The following RUNDC3B variants were observed in gnomAD, a reference collection of about 807,000 sequenced individuals.
The protein encoded by RUNDC3B is RUN domain containing 3B, also known as RUN domain-containing protein 3B.
A neutral mutation model predicts 58.4 loss-of-function variants in RUNDC3B; 33 were observed. The observed-to-expected ratio is 0.56, with a 90% CI of 0.43 to 0.75. The LOEUF (loss-of-function observed/expected upper bound fraction) is 0.75, where lower values mean the gene tolerates loss of function less well. Ranked by LOEUF, RUNDC3B falls within the 30% of genes least tolerant of loss-of-function variation. RUNDC3B has a pLI of 0.00. For synonymous variants in RUNDC3B, 193 were observed against 195.2 expected (o/e 0.99, Z 0.10); for missense variants, 501 against 535.7 (o/e 0.94, Z 0.64).
In RUNDC3B at chr7:87,816,152, A is replaced by C; in HGVS notation, c.1115A>C (p.Gln372Pro). 1.9e-6 allele frequency: 3 copies of C among 1,603,692 alleles called. No individual in the cohort carries two copies. Among genetic ancestry groups the C allele is most frequent in the Non-Finnish European group, 2.6e-6 (3 of 1,173,252 alleles). Residue 372 changes from glutamine (Q) to proline (P), a missense_variant, in exon 10 of 11, where the codon CAA (glutamine) becomes CCA (proline). Physicochemically the swap from Gln to Pro is moderately conservative, Grantham distance 76. Transcript: ENST00000394654. ...TCCTTGCTTTACAGGAAAAGTTATC[A>C]AAGTCTTGACCAGTTATCAGCAGAA... ...HNKQWYEKSY[Q>P]SLDQLSAEVS...
At chr7:87,783,098 G>A (rs1231775339) in intron 8 of RUNDC3B, among the ~76,000 whole-genome samples, 3 of 151,856 alleles carry the variant, frequency 2.0e-5, no homozygotes, top group Non-Finnish European at 4.4e-5. Context: ...TCTTTTGTAG[G>A]TCTAGAAGTA....
intron 8 of RUNDC3B, among the ~76,000 whole-genome samples, chr7:87,781,340 C>A (rs1292848968): frequency 1.4e-5 from 2 of 145,388 alleles, no homozygotes; most frequent in African/African-American, 5.0e-5. Flanking sequence ...TGATTTTATA[C>A]CCTGAAACTT....
At chr7:87,719,380 G>A (rs543374906) in intron 4 of RUNDC3B, among the ~76,000 whole-genome samples, 7 of 151,708 alleles carry the variant, frequency 4.6e-5, no homozygotes, top group African/African-American at 1.7e-4. Flanking sequence ...AATTAGACAA[G>A]TTGATACTGA....
At position 87,820,903 on chromosome 7, in the gene RUNDC3B, G is replaced by A. The variant is rs796580311; in HGVS notation, c.1225+4641G>A. ...GGGACATATCTCAAAATAATAAAGA[G>A]CTATCTATGACAAACCCACAGCCAA... On this transcript the variant is annotated intron_variant, in intron 10 of 10. Coordinates refer to ENST00000394654, the MANE Select transcript of RUNDC3B (RefSeq NM_001134405.2). Among the ~76,000 whole-genome samples the A allele has an allele frequency of 3.3e-5, 5 of 151,946 alleles. No homozygotes were observed. The South Asian group carries it at 8.3e-4, about 25-fold the overall frequency.
chr7:87,808,114 G>C (rs1308902929), intron 9 of RUNDC3B, among the ~76,000 whole-genome samples: 1 of 151,668 alleles, frequency 6.6e-6, no homozygotes, highest in Non-Finnish European at 1.5e-5. Flanking sequence ...ATCCTCTTTT[G>C]GCTTTTAGCC....
At chr7:87,639,241 G>T (rs933934252) in intron 1 of RUNDC3B, among the ~76,000 whole-genome samples, 3 of 151,182 alleles carry the variant, frequency 2.0e-5, no homozygotes, top group Non-Finnish European at 4.4e-5. Context: ...GATTTCGAAT[G>T]AATTCTGTTG....
intron 4 of RUNDC3B, among the ~76,000 whole-genome samples, chr7:87,729,649 CAA>C (rs1831462570): frequency 6.6e-6 from 1 of 152,074 alleles, no homozygotes; most frequent in African/African-American, 2.4e-5. Flanking sequence ...CAGTCTAGGC[CAA>C]AGAGACTTCA....
At chr7:87,741,411 C>A (rs915723112) in intron 5 of RUNDC3B, 88 bp from the exon 6 acceptor site, 2 of 735,866 alleles carry the variant, frequency 2.7e-6, no homozygotes, top group East Asian at 6.0e-5. Context: ...ATGAGAGAAA[C>A]GTCTCTGGCA....
chr7:87,753,786 T>C (rs551956688), intron 6 of RUNDC3B, among the ~76,000 whole-genome samples: 20 of 152,334 alleles, frequency 1.3e-4, no homozygotes, highest in Non-Finnish European at 2.1e-4. Context: ...TGGAAATGTA[T>C]GCTAGTCTCC....
At position 87,628,925 on chromosome 7, in the gene RUNDC3B, G is replaced by A. The variant is rs1050866143; in HGVS notation, c.102G>A (p.Arg34=). ...LSARNAAVER[R]NLITVCRFSV... The stretch of plus-strand genomic sequence containing the variant: ...CCCGCAATGCTGCGGTGGAGAGGAG[G>A]AACCTGATCACCGTGTGCAGGTACG... Residue 34 remains arginine, a synonymous_variant, in exon 1 of 11, where the codon AGG becomes AGA. Transcript: ENST00000394654. The A allele has an allele frequency of 1.5e-6, 2 of 1,310,006 alleles. No homozygotes were observed. The highest frequency in any genetic ancestry group is 2.0e-6 in the Non-Finnish European group (2 of 1,020,682). The allele number at this position is 1,310,006 out of a possible 1,614,324, so 81.1% of individuals were successfully genotyped here.
At chr7:87,709,916 A>G (rs936425609) in intron 3 of RUNDC3B, among the ~76,000 whole-genome samples, 1 of 152,182 alleles carries the variant, frequency 6.6e-6, no homozygotes, top group Non-Finnish European at 1.5e-5. Flanking sequence ...TACTTTTAGT[A>G]AGAATTGTCT....
intron 2 of RUNDC3B, among the ~76,000 whole-genome samples, chr7:87,659,640 A>G (rs765306278): frequency 6.6e-6 from 1 of 152,136 alleles, no homozygotes; most frequent in Non-Finnish European, 1.5e-5. Flanking sequence ...TCCTGTATTT[A>G]TAGTGTAGAT....
chr7:87,701,957 C>T (rs1563145458), intron 3 of RUNDC3B, among the ~76,000 whole-genome samples: 2 of 151,944 alleles, frequency 1.3e-5, no homozygotes, highest in African/African-American at 2.4e-5. Flanking sequence ...TCCTGGCTAA[C>T]ATGGTGAAAC....
chr7:87,725,307 T>G (rs1484994612), intron 4 of RUNDC3B, among the ~76,000 whole-genome samples: 1 of 152,220 alleles, frequency 6.6e-6, no homozygotes, highest in African/African-American at 2.4e-5. Flanking sequence ...ATTCTCATTG[T>G]TCAATTCGCA....
chr7:87,669,767 T>C (rs191167222), intron 2 of RUNDC3B, among the ~76,000 whole-genome samples: 1 of 152,280 alleles, frequency 6.6e-6, no homozygotes, highest in African/African-American at 2.4e-5. Flanking sequence ...TGGTTGAAGA[T>C]TTTTTTCTTT....
chr7:87,692,116 G>A (rs1183850034), intron 2 of RUNDC3B, among the ~76,000 whole-genome samples: 1 of 152,012 alleles, frequency 6.6e-6, no homozygotes, highest in Admixed American at 6.6e-5. Flanking sequence ...GAAAATCAGG[G>A]CACAGAGGCT....
At position 87,628,872 on chromosome 7, in the gene RUNDC3B, G is replaced by A; in HGVS notation, c.49G>A (p.Gly17Ser). 7.8e-7 allele frequency: 1 copy of A among 1,285,812 alleles called. No homozygotes were observed. The highest frequency in any genetic ancestry group is 9.9e-7 in the Non-Finnish European group (1 of 1,009,254). The allele number at this position is 1,285,812 out of a possible 1,614,324, so 79.7% of individuals were successfully genotyped here. Residue 17 changes from glycine to serine, a missense_variant, in exon 1 of 11, where the codon GGC becomes AGC. Transcript: ENST00000394654. Reference sequence around the variant, plus strand: ...CCTGAGCGGGATCCGCGGCGGTGGCGGCGGAGGCGGCAAGAAAAGCCTGAG... The same window carrying A: ...CCTGAGCGGGATCCGCGGCGGTGGCAGCGGAGGCGGCAAGAAAAGCCTGAG... ...GGLSGIRGGG[G>S]GGGKKSLSAR... is the part of the protein sequence containing the mutation.
intron 10 of RUNDC3B, among the ~76,000 whole-genome samples, chr7:87,818,910 AAAAC>A (rs1325711756): frequency 6.6e-5 from 10 of 152,158 alleles, no homozygotes; most frequent in South Asian, 2.1e-4. Flanking sequence ...CCATACAGTA[AAAAC>A]AAACAAACAA....
chr7:87,734,977 T>C (rs1831841958), intron 4 of RUNDC3B, among the ~76,000 whole-genome samples: 1 of 152,336 alleles, frequency 6.6e-6, no homozygotes. Flanking sequence ...CTGCTTTTTT[T>C]CCTCTGTTCA....
Sources: allele counts gnomAD v4.1 joint callset (sites outside exome capture counted in the v4.1 genomes callset), GRCh38; gene constraint gnomAD v4.1.1; transcripts MANE v1.5; gene names NCBI Gene and HGNC (gene_info 2026-07-23, HGNC 2026-07-21).